The following MGME1 variants were observed in gnomAD, a reference collection of about 807,000 sequenced individuals.
The protein encoded by MGME1 is mitochondrial genome maintenance exonuclease 1, also known as chromosome 20 open reading frame 72.
Under a neutral mutation model 33.0 loss-of-function variants are expected in MGME1, and 22 were observed. The observed-to-expected ratio is 0.67, with a 90% confidence interval of 0.48 to 0.95. MGME1 has a LOEUF of 0.95. MGME1 is among the 40% of genes least tolerant of loss of function. MGME1 has a pLI of 0.00. For synonymous variants in MGME1, 133 were observed against 144.0 expected (o/e 0.92, Z 0.55); for missense variants, 383 against 397.8 (o/e 0.96, Z 0.32).
At chr20:17,977,884 A>G (rs1419357467) in intron 3 of MGME1, among the ~76,000 whole-genome samples, 1 of 152,154 alleles carries the variant, frequency 6.6e-6, no homozygotes, top group Non-Finnish European at 1.5e-5. Flanking sequence ...CTCTGATACA[A>G]AGGTGGCTAC....
chr20:17,987,454 A>G (rs1468775191), intron 3 of MGME1, among the ~76,000 whole-genome samples: 1 of 152,214 alleles, frequency 6.6e-6, no homozygotes, highest in East Asian at 1.9e-4. Context: ...ATAATAAAAA[A>G]AAGACGTAAA....
chr20:17,986,748 A>G (rs1349507974), intron 3 of MGME1, among the ~76,000 whole-genome samples: 1 of 152,232 alleles, frequency 6.6e-6, no homozygotes, highest in Non-Finnish European at 1.5e-5. Flanking sequence ...TCCAGTCCAT[A>G]AACAGAGGAT....
chr20:17,976,424 G>A (rs1004516793), intron 3 of MGME1, among the ~76,000 whole-genome samples: 14 of 152,016 alleles, frequency 9.2e-5, no homozygotes, highest in African/African-American at 3.1e-4. Flanking sequence ...GCACCTGGCC[G>A]AGATTTTTCA....
chr20:17,974,210 A>G (rs2035803315), intron 2 of MGME1, among the ~76,000 whole-genome samples: 1 of 151,916 alleles, frequency 6.6e-6, no homozygotes, highest in African/African-American at 2.4e-5. Context: ...AATTACAGGC[A>G]TGCGCCACCA....
Position 17,972,452 on chromosome 20 carries a change from T to C in MGME1, c.511+2082T>C, listed in dbSNP as rs2035755078. Reference sequence around the variant, plus strand: ...TAGGTTTTAATTTTTTTTTTTTTTTTTTTGCTACGCTGATTTAATCCTGAA... The same window carrying C: ...TAGGTTTTAATTTTTTTTTTTTTTTCTTTGCTACGCTGATTTAATCCTGAA... On this transcript the variant is annotated intron_variant, in intron 2 of 4. Coordinates refer to ENST00000377710, the MANE Select transcript of MGME1 (RefSeq NM_052865.4). 2.0e-5 allele frequency among the ~76,000 whole-genome samples: 3 copies of C among 151,610 alleles called. No individual in the cohort carries two copies. The South Asian group carries it at 6.2e-4, about 32-fold the overall frequency.
chr20:17,982,651 A>G (rs2036053159), intron 3 of MGME1, among the ~76,000 whole-genome samples: 1 of 152,208 alleles, frequency 6.6e-6, no homozygotes, highest in Non-Finnish European at 1.5e-5. Flanking sequence ...AGTAATTTTG[A>G]TAACATTGTA....
At chr20:17,985,036 CAAAA>C (rs535060718) in intron 3 of MGME1, among the ~76,000 whole-genome samples, 5 of 103,156 alleles carry the variant, frequency 4.8e-5, no homozygotes, top group African/African-American at 1.2e-4. Flanking sequence ...GACTTTGTCT[CAAAA>C]AAAAAAAAAA....
rs1432223099 is a variant in MGME1, at chr20:17,971,153, T to C, written c.511+783T>C. Reference sequence around the variant, plus strand: ...AAGAATAGTGTACTGACCCTTGCCATAGCCTGGGCTTCTATTTAAGTCGTC... The same window carrying C: ...AAGAATAGTGTACTGACCCTTGCCACAGCCTGGGCTTCTATTTAAGTCGTC... On this transcript the variant is annotated intron_variant, in intron 2 of 4. Coordinates refer to ENST00000377710, the MANE Select transcript of MGME1 (RefSeq NM_052865.4). 2.0e-5 allele frequency among the ~76,000 whole-genome samples: 3 copies of C among 152,364 alleles called. No homozygotes were observed. In the East Asian group the frequency reaches 5.8e-4, roughly 29 times the overall value.
At chr20:17,974,019 A>T (rs1423532164) in intron 2 of MGME1, among the ~76,000 whole-genome samples, 5 of 151,102 alleles carry the variant, frequency 3.3e-5, no homozygotes, top group African/African-American at 1.2e-4. Flanking sequence ...TTACTAAGAA[A>T]CAAGTGAATA....
At chr20:17,976,977 C>T (rs981584021) in intron 3 of MGME1, among the ~76,000 whole-genome samples, 4 of 151,816 alleles carry the variant, frequency 2.6e-5, no homozygotes, top group Admixed American at 6.6e-5. Flanking sequence ...GTTTTTATAT[C>T]GTAGCTGTCT....
At chr20:17,989,330 G>A (rs1040625212) in intron 4 of MGME1, among the ~76,000 whole-genome samples, 58 of 151,908 alleles carry the variant, frequency 3.8e-4, no homozygotes, top group African/African-American at 1.3e-3. Flanking sequence ...AGGTTGCGGT[G>A]AGCCAAGGTT....
intron 3 of MGME1, among the ~76,000 whole-genome samples, chr20:17,981,648 C>CGTGTGTGTGTGTGTGT (rs10677204): frequency 7.2e-6 from 1 of 139,696 alleles, no homozygotes; most frequent in African/African-American, 2.7e-5. Flanking sequence ...ATCTACTACT[C>CGTGTGTGTGTGTGTGT]GTGTGTGTGT....
rs1231859808 is a variant in MGME1 at position 17,975,804 on chromosome 20, A to G, written c.632A>G (p.His211Arg). 1.2e-6 allele frequency: 2 copies of G among 1,614,176 alleles called. No individual in the cohort carries two copies. Among genetic ancestry groups the G allele is most frequent in the Admixed American group, 1.7e-5 (1 of 60,024 alleles). The change falls in exon 3 of 5, where the codon CAT (histidine) becomes CGT (arginine). Residue 211 changes from histidine (H) to arginine (R), a missense_variant. His to Arg is a conservative substitution (Grantham distance 29). Transcript: ENST00000377710. ...TCTGGTTACATTGAAAGTGTCCAGC[A>G]TATTCTGAAAGATGTCAGTGGAGTG... ...LKSGYIESVQ[H>R]ILKDVSGVRA...
At chr20:17,976,479 C>A (rs1029269913) in intron 3 of MGME1, among the ~76,000 whole-genome samples, 1 of 152,126 alleles carries the variant, frequency 6.6e-6, no homozygotes, top group Non-Finnish European at 1.5e-5. Flanking sequence ...TTCCCCTCCC[C>A]CAAAGCAAGG....
upstream of MGME1, chr20:17,968,854 G>A (rs2035628275): frequency 5.6e-6 from 1 of 179,696 alleles, no homozygotes; most frequent in East Asian, 1.7e-4. Context: ...GGCAGCGAGC[G>A]CTGACGTCAC....
chr20:17,990,061 G>T lies in MGME1; in HGVS notation c.987G>T (p.Thr329=). The T allele has an allele frequency of 6.2e-7, 1 of 1,613,856 alleles. No homozygotes were observed. The highest frequency in any genetic ancestry group is 2.2e-5 in the East Asian group (1 of 44,868). Residue 329 remains threonine, a synonymous_variant, in exon 5 of 5, where the codon ACG becomes ACT. Coordinates refer to ENST00000377710, the MANE Select transcript of MGME1 (RefSeq NM_052865.4). ...TKWLLRLEEY[T]EKKKNQNIQK... Reference sequence around the variant, plus strand: ...GGCTTCTTCGACTAGAAGAATATACGGAAAAGAAAAAGAACCAGAATATTC... The same window carrying T: ...GGCTTCTTCGACTAGAAGAATATACTGAAAAGAAAAAGAACCAGAATATTC...
chr20:17,988,264 G>A lies in MGME1; in HGVS notation c.830G>A (p.Gly277Asp). The change falls in exon 4 of 5, where the codon GGT becomes GAT. Residue 277 changes from glycine to aspartate, a missense_variant. Gly to Asp is a moderately conservative substitution (Grantham distance 94, BLOSUM62 -1). Transcript: ENST00000377710. ...CCACTGCAAGTTGTGGCATACATGG[G>A]TGCCATGAACCATGATACCAACTAC... ...DNPLQVVAYM[G>D]AMNHDTNYSF... The A allele has an allele frequency of 6.2e-7, 1 of 1,614,006 alleles. No homozygotes were observed. Among genetic ancestry groups the A allele is most frequent in the Non-Finnish European group, 8.5e-7 (1 of 1,179,922 alleles).
chr20:17,975,976 A>G (rs1186393937), intron 3 of MGME1, 73 bp downstream of exon 3: 5 of 1,204,184 alleles, frequency 4.2e-6, no homozygotes, highest in South Asian at 1.2e-5. Flanking sequence ...GCCTGTAGGT[A>G]CTGTAGCCTC....
At chr20:17,989,876 G>A in intron 4 of MGME1, 63 bp from the exon 5 acceptor site, 1 of 1,506,924 alleles carries the variant, frequency 6.6e-7, no homozygotes, top group East Asian at 2.3e-5. Context: ...GAGTAAGAAG[G>A]AAACGAACCT....
Sources: allele counts gnomAD v4.1 joint callset (sites outside exome capture counted in the v4.1 genomes callset), GRCh38; gene constraint gnomAD v4.1.1; transcripts MANE v1.5; gene names NCBI Gene and HGNC (gene_info 2026-07-23, HGNC 2026-07-21).